The following BPTF variants were observed in gnomAD, a reference collection of about 807,000 sequenced individuals.
The protein encoded by BPTF is bromodomain PHD finger transcription factor, also known as nucleosome-remodeling factor subunit BPTF.
BPTF carries 18 observed loss-of-function variants against 292.5 expected under a neutral mutation model. The ratio of observed to expected loss-of-function variants is 0.06; its 90% CI spans 0.04 to 0.09. The LOEUF (loss-of-function observed/expected upper bound fraction) is 0.09. BPTF is among the 10% of genes least tolerant of loss of function. The pLI, the probability that BPTF is intolerant of heterozygous loss-of-function variation, is 1.00. For missense variants in BPTF, 2,726 were observed against 3,498.7 expected (o/e 0.78, Z 5.57); for synonymous variants, 1,225 against 1,251.9 (o/e 0.98, Z 0.45).
chr17:67,880,330 T>C (rs2060318225), intron 4 of BPTF, among the ~76,000 whole-genome samples: 1 of 152,188 alleles, frequency 6.6e-6, no homozygotes, highest in East Asian at 1.9e-4. Context: ...CTTTGTACTT[T>C]TATGGATTTT....
intron 14 of BPTF, 53 bp from the exon 15 acceptor site, chr17:67,924,494 G>C: frequency 6.5e-7 from 1 of 1,542,008 alleles, no homozygotes; most frequent in Non-Finnish European, 8.9e-7. Flanking sequence ...CTTATTAGAT[G>C]CCAGATGCCT....
chr17:67,979,721 T>C (rs2070086562), intron 27 of BPTF, among the ~76,000 whole-genome samples: 1 of 151,928 alleles, frequency 6.6e-6, no homozygotes, highest in South Asian at 2.1e-4. Context: ...TAAACAAAAG[T>C]TGATAAAACA....
At chr17:67,950,286 T>C (rs1175031028) in intron 23 of BPTF, among the ~76,000 whole-genome samples, 1 of 148,804 alleles carries the variant, frequency 6.7e-6, no homozygotes, top group Non-Finnish European at 1.5e-5. Flanking sequence ...AAAAAGAAGA[T>C]GAGAAATAGT....
intron 13 of BPTF, among the ~76,000 whole-genome samples, chr17:67,921,143 G>A (rs1247536733): frequency 6.7e-6 from 1 of 149,204 alleles, no homozygotes; most frequent in African/African-American, 2.5e-5. Flanking sequence ...CTGGGAAGTG[G>A]AGGTTGCAGT....
intron 26 of BPTF, among the ~76,000 whole-genome samples, chr17:67,972,986 CTG>C (rs1360634696): frequency 1.3e-5 from 2 of 148,574 alleles, no homozygotes; most frequent in Non-Finnish European, 3.0e-5. Flanking sequence ...ACTGCATAAA[CTG>C]GAGCTTTCAA....
At chr17:67,937,722 T>C (rs1598780943) in intron 18 of BPTF, among the ~76,000 whole-genome samples, 1 of 144,762 alleles carries the variant, frequency 6.9e-6, no homozygotes, top group East Asian at 2.2e-4. Context: ...GGAGTTATGG[T>C]CAGAGAGGTG....
intron 1 of BPTF, among the ~76,000 whole-genome samples, chr17:67,843,330 C>G (rs2057732386): frequency 6.7e-6 from 1 of 150,036 alleles, no homozygotes. Flanking sequence ...TTGAGTCTAG[C>G]TTTATTGCCC....
In BPTF at chr17:67,881,507, T is replaced by G. The variant is rs1225228901; in HGVS notation, c.1864+6487T>G. On this transcript the variant is annotated intron_variant, in intron 4 of 27. Coordinates refer to ENST00000306378, the MANE Select transcript of BPTF (RefSeq NM_182641.4). ...ATAATCAAGGTTTTTTTTTTTTTTT[T>G]TTTTTTTTTTGAGAGACAGAGTCTC... Among the ~76,000 whole-genome samples, 19 of 145,258 alleles carry G rather than the reference T, an allele frequency of 1.3e-4. 2 individuals carry two copies. The highest frequency in any genetic ancestry group is 4.0e-4 in the African/African-American group (16 of 39,516).
At chr17:67,850,724 A>G (rs1019159063) in intron 1 of BPTF, among the ~76,000 whole-genome samples, 16 of 152,132 alleles carry the variant, frequency 1.1e-4, no homozygotes, top group Non-Finnish European at 1.9e-4. Context: ...AAATTACTCA[A>G]AATTGATCTA....
At chr17:67,949,990 G>A (rs1445017143) in intron 23 of BPTF, among the ~76,000 whole-genome samples, 1 of 134,506 alleles carries the variant, frequency 7.4e-6, no homozygotes. Context: ...GAAGGTGGAG[G>A]TTGCAGTGAG....
At position 67,894,038 on chromosome 17, in the gene BPTF, A is replaced by G; in HGVS notation, c.2416A>G (p.Asn806Asp). 3 of 1,612,888 alleles carry G rather than the reference A, an allele frequency of 1.9e-6. No individual in the cohort carries two copies. Among genetic ancestry groups the G allele is most frequent in the Non-Finnish European group, 1.7e-6 (2 of 1,179,154 alleles). The change falls in exon 7 of 28, where the codon AAT becomes GAT. Residue 806 changes from asparagine to aspartate, a missense_variant. Around this residue, in one of 22 missense-constraint regions of BPTF, gnomAD observed 99 missense variants for 227.1 expected, o/e 0.44. Transcript: ENST00000306378. ...CTCATTTCTTCTGAAATACAGGGCA[A>G]ATTGGATCAAGGCAGTTCAGATGTG... is the stretch of plus-strand genomic sequence containing the variant. Reference protein sequence around the residue: ...LHPNWASHRANWIKAVQMCSK... With the variant: ...LHPNWASHRADWIKAVQMCSK...
intron 27 of BPTF, among the ~76,000 whole-genome samples, chr17:67,978,181 G>A (rs1555695020): frequency 6.6e-6 from 1 of 151,136 alleles, no homozygotes; most frequent in African/African-American, 2.4e-5. Context: ...TTAGGGACAG[G>A]GTCTTGCTAT....
intron 23 of BPTF, among the ~76,000 whole-genome samples, chr17:67,958,785 C>G (rs564815456): frequency 2.3e-4 from 34 of 150,904 alleles, no homozygotes; most frequent in African/African-American, 8.3e-4. Flanking sequence ...GCCAACATGG[C>G]GAAACCCCGT....
At chr17:67,924,668 C>T (rs1214603670) in intron 15 of BPTF, 79 bp downstream of exon 15, 2 of 1,500,174 alleles carry the variant, frequency 1.3e-6, no homozygotes, top group African/African-American at 2.8e-5. Context: ...GACCTCCCAT[C>T]AGCAGGGGGA....
At chr17:67,855,219 T>A (rs2058619596) in intron 2 of BPTF, among the ~76,000 whole-genome samples, 1 of 152,202 alleles carries the variant, frequency 6.6e-6, no homozygotes, top group Admixed American at 6.5e-5. Flanking sequence ...GAGAATTGTT[T>A]GAACCTGGGA....
intron 5 of BPTF, 113 bp from the exon 6 acceptor site, chr17:67,893,257 T>G: frequency 1.4e-6 from 1 of 720,372 alleles, no homozygotes; most frequent in Non-Finnish European, 2.4e-6. Flanking sequence ...ATCATAAGAT[T>G]TATCTTAACT....
chr17:67,915,375 C>T (rs1040590337), intron 11 of BPTF, among the ~76,000 whole-genome samples: 2 of 152,272 alleles, frequency 1.3e-5, no homozygotes, highest in South Asian at 2.1e-4. Context: ...CAGCAAGGAG[C>T]GGGGAAAGCA....
intron 9 of BPTF, among the ~76,000 whole-genome samples, chr17:67,908,430 C>T (rs1044195824): frequency 1.3e-5 from 2 of 151,258 alleles, no homozygotes; most frequent in East Asian, 1.9e-4. Flanking sequence ...GCTGGGATTA[C>T]AGGCATGAGC....
Position 67,854,788 on chromosome 17 carries a change from T to C in BPTF, c.1436+26T>C, listed in dbSNP as rs1235498868. On this transcript the variant is annotated intron_variant, in intron 2 of 27. Coordinates refer to ENST00000306378, the MANE Select transcript of BPTF (RefSeq NM_182641.4). This position sits in a 1 kb window ranked among gnomAD's most constrained non-coding sequence, Gnocchi z 5.6. ...GTAAGTAAATCTGGTCTTAATTTTTTGTATGCATTTAAAATTAGACTAGTT... is the reference window on the plus strand; with the variant it reads ...GTAAGTAAATCTGGTCTTAATTTTTCGTATGCATTTAAAATTAGACTAGTT... The C allele has an allele frequency of 3.9e-6, 6 of 1,537,594 alleles. No individual in the cohort carries two copies.
Sources: gnomAD v4.1 joint callset for allele counts (sites outside exome capture counted in the v4.1 genomes callset) on GRCh38, gnomAD v4.1.1 for gene constraint, gnomAD v4.1.1 regional missense constraint, Gnocchi (gnomAD v3.1) non-coding constraint, MANE v1.5 for transcripts, NCBI Gene and HGNC (gene_info 2026-07-23, HGNC 2026-07-21) for gene names.